ACSM1: variants seen among roughly 807,000 people sequenced by gnomAD.
ACSM1 encodes the protein acyl-coenzyme A synthetase ACSM1, mitochondrial.
In ACSM1, 79 loss-of-function variants were observed where a neutral mutation model predicts 75.8. That is an observed-to-expected ratio of 1.04 (90% CI 0.87 to 1.26). The LOEUF is 1.26. Ranked by LOEUF, ACSM1 falls within the 50% of genes most tolerant of loss-of-function variation. ACSM1 has a pLI of 0.00. For missense variants in ACSM1, 676 were observed against 720.1 expected, an observed-to-expected ratio of 0.94 and a Z score of 0.70; for synonymous variants, 279 against 265.8, an observed-to-expected ratio of 1.05 and a Z score of -0.48.
Position 20,691,164 on chromosome 16 carries a change from T to C in ACSM1, c.25A>G (p.Thr9Ala). MQWLMRFR[T>A]LWGIHKSFHN... is the part of the protein sequence containing the mutation. ...AAGGATTTGTGGATGCCCCAGAGGG[T>C]CCGGAACCTCATTAGCCACTGCATG... The change falls in exon 2 of 14, where the codon ACC (threonine) becomes GCC (alanine). Residue 9 changes from threonine (T) to alanine (A), a missense_variant. Thr to Ala is a moderately conservative substitution (Grantham distance 58). Coordinates refer to ENST00000520010, the MANE Select transcript of ACSM1 (RefSeq NM_001318890.3). 10 of 1,600,982 alleles carry C rather than the reference T, an allele frequency of 6.2e-6. No individual in the cohort carries two copies. Among genetic ancestry groups the C allele is most frequent in the Non-Finnish European group, 8.5e-6 (10 of 1,175,102 alleles).
At chr16:20,630,914 C>G (rs568708280) in intron 10 of ACSM1, among the ~76,000 whole-genome samples, 65 of 152,296 alleles carry the variant, frequency 4.3e-4, no homozygotes, top group Non-Finnish European at 7.8e-4. Flanking sequence ...ACAACATACT[C>G]TTAACTAACC....
rs149044092 is a variant in ACSM1, at chr16:20,630,376, G to A, written c.1300-3060C>T. On this transcript the variant is annotated intron_variant, in intron 10 of 13. Transcript: ENST00000520010. ...TGCTGGGATTACAGGCGTGAGCCAC[G>A]ATGCCCGGTCAAAATAAAGTTTAAG... 3.6e-3 allele frequency among the ~76,000 whole-genome samples: 555 copies of A among 152,110 alleles called. 8 individuals are homozygous for A. Among genetic ancestry groups the A allele is most frequent in the Non-Finnish European group, 2.1e-3 (145 of 68,008 alleles).
rs528742963 is a variant in ACSM1, at chr16:20,672,448, CAAAAAAA to C, written c.612-784_612-778del. Among the ~76,000 whole-genome samples, 8 of 21,922 alleles carry C rather than the reference CAAAAAAA, an allele frequency of 3.6e-4. No individual in the cohort carries two copies. The East Asian group carries it at 0.028, about 78-fold the overall frequency. 14.4% of individuals were successfully genotyped at this position (21,922 alleles called of 152,430 possible). Reference sequence around the variant, plus strand: ...TGGGTGACAGAGCAAAACTCCATCTCAAAAAAAAAAAAAAAAAAAAAAAATATATATA... The same window carrying C: ...TGGGTGACAGAGCAAAACTCCATCTCAAAAAAAAAAAAAAAAATATATATA... On this transcript the variant is annotated intron_variant, in intron 4 of 13. Transcript: ENST00000520010.
intron 6 of ACSM1, among the ~76,000 whole-genome samples, chr16:20,664,557 G>A (rs1312692644): frequency 6.6e-6 from 1 of 151,950 alleles, no homozygotes; most frequent in Non-Finnish European, 1.5e-5. Context: ...AAATAGTGGG[G>A]GACTTCAACA....
At chr16:20,686,872 A>G (rs1716606190) in intron 2 of ACSM1, among the ~76,000 whole-genome samples, 1 of 152,096 alleles carries the variant, frequency 6.6e-6, no homozygotes, top group Admixed American at 6.5e-5. Flanking sequence ...CTGCAGTAGT[A>G]TATGTACAAG....
Position 20,637,384 on chromosome 16 carries a change from G to A in ACSM1, c.1184C>T (p.Pro395Leu). The A allele has an allele frequency of 1.2e-6, 2 of 1,614,086 alleles. No homozygotes were observed. Among genetic ancestry groups the A allele is most frequent in the South Asian group, 2.2e-5 (2 of 91,076 alleles). The part of the protein sequence containing the change: ...KPGFMGKATP[P>L]YDVQVIDDKG... ...TTAGGACCAGACCTGGACGTCGTAG[G>A]GTGGAGTGGCCTTCCCCATGAAACC... Residue 395 changes from proline to leucine, a missense_variant, in exon 9 of 14, where the codon CCC (proline) becomes CTC (leucine). Transcript: ENST00000520010.
At chr16:20,645,609 C>T (rs539876685) in intron 7 of ACSM1, among the ~76,000 whole-genome samples, 2 of 152,200 alleles carry the variant, frequency 1.3e-5, no homozygotes, top group South Asian at 2.1e-4. Context: ...AGAGAAGTGC[C>T]GCCATTACTG....
intron 6 of ACSM1, among the ~76,000 whole-genome samples, chr16:20,667,915 T>C (rs956954794): frequency 1.3e-5 from 2 of 152,132 alleles, no homozygotes; most frequent in Non-Finnish European, 1.5e-5. Context: ...AAACCAAACA[T>C]CATTTTTTTC....
chr16:20,670,145 A>G (rs2019815719), intron 5 of ACSM1, among the ~76,000 whole-genome samples, 159 bp from the exon 6 acceptor site: 1 of 152,208 alleles, frequency 6.6e-6, no homozygotes, highest in South Asian at 2.1e-4. Context: ...TCAAAGGTGT[A>G]CTGCCAAATA....
At chr16:20,671,440 G>GAGACACAC (rs71377675) in intron 5 of ACSM1, 91 bp downstream of exon 5, 1 of 920,186 alleles carries the variant, frequency 1.1e-6, no homozygotes, top group African/African-American at 1.8e-5. Flanking sequence ...CCTTTCCCAA[G>GAGACACAC]ACACACACAC....
At position 20,691,199 on chromosome 16, in the gene ACSM1, T is replaced by C. The variant is rs200267117; in HGVS notation, c.-11A>G. 15 of 1,555,000 alleles carry C rather than the reference T, an allele frequency of 9.6e-6. No individual in the cohort carries two copies. In the South Asian group the frequency reaches 1.7e-4, roughly 18 times the overall value. ...CATTAGCCACTGCATGGTGAAACAGTCCTCAGAAACCAGGCACAGAGTTCT... is the reference window on the plus strand; with the variant it reads ...CATTAGCCACTGCATGGTGAAACAGCCCTCAGAAACCAGGCACAGAGTTCT... On this transcript the variant is annotated 5_prime_UTR_variant, in exon 2 of 14. Transcript: ENST00000520010.
At chr16:20,640,642 A>C (rs375051867) in intron 7 of ACSM1, 58 bp from the exon 8 acceptor site, 45 of 1,610,552 alleles carry the variant, frequency 2.8e-5, no homozygotes, top group South Asian at 2.5e-4. Flanking sequence ...GTGCATTCAG[A>C]GCTCTTAAGT....
intron 7 of ACSM1, among the ~76,000 whole-genome samples, chr16:20,647,259 G>A (rs2018417163): frequency 1.3e-5 from 2 of 152,308 alleles, no homozygotes. Flanking sequence ...AGGGACACTT[G>A]GATTAAAACC....
intron 7 of ACSM1, among the ~76,000 whole-genome samples, chr16:20,656,850 G>A (rs1407945873): frequency 2.7e-5 from 4 of 150,620 alleles, no homozygotes; most frequent in Non-Finnish European, 5.9e-5. Flanking sequence ...CAGCTTTGAG[G>A]GATAAAATTA....
intron 7 of ACSM1, among the ~76,000 whole-genome samples, chr16:20,653,154 A>G (rs2018743058): frequency 6.6e-6 from 1 of 152,240 alleles, no homozygotes; most frequent in Admixed American, 6.5e-5. Context: ...TATAAAAACC[A>G]CATGATTATC....
chr16:20,623,977 G>A, intron 13 of ACSM1, 119 bp downstream of exon 13: 1 of 1,437,334 alleles, frequency 7.0e-7, no homozygotes, highest in Non-Finnish European at 9.5e-7. Flanking sequence ...CAGAAAAAGA[G>A]CCTTCAGTGT....
chr16:20,634,629 G>A (rs1314789044), intron 10 of ACSM1, among the ~76,000 whole-genome samples: 1 of 152,146 alleles, frequency 6.6e-6, no homozygotes, highest in Admixed American at 6.5e-5. Flanking sequence ...ACTTATATGA[G>A]GAACCTAAAA....
intron 10 of ACSM1, 119 bp from the exon 11 acceptor site, chr16:20,627,435 G>C: frequency 8.2e-7 from 1 of 1,225,416 alleles, no homozygotes. Flanking sequence ...ACCTGGGCAA[G>C]TTTTGCCATT....
intron 1 of ACSM1, among the ~76,000 whole-genome samples, chr16:20,692,549 G>A (rs2079664066): frequency 6.6e-6 from 1 of 152,138 alleles, no homozygotes; most frequent in African/African-American, 2.4e-5. Context: ...AGAGCAGGTT[G>A]TAAAATATGT....
Sources: allele counts gnomAD v4.1 joint callset (sites outside exome capture counted in the v4.1 genomes callset), GRCh38; gene constraint gnomAD v4.1.1; transcripts MANE v1.5; gene names NCBI Gene and HGNC (gene_info 2026-07-23, HGNC 2026-07-21).